ZDHHC24: variants seen among roughly 807,000 people sequenced by gnomAD.
The protein encoded by ZDHHC24 is probable palmitoyltransferase ZDHHC24.
A neutral mutation model predicts 23.2 loss-of-function variants in ZDHHC24; 17 were observed. The ratio of observed to expected loss-of-function variants is 0.73; its 90% CI spans 0.50 to 1.10. The LOEUF is 1.10. ZDHHC24 is among the 50% of genes least tolerant of loss of function. ZDHHC24 has a pLI of 0.00. For synonymous variants in ZDHHC24, 186 were observed against 194.5 expected, an observed-to-expected ratio of 0.96 and a Z score of 0.36; for missense variants, 366 against 393.0, an observed-to-expected ratio of 0.93 and a Z score of 0.58.
At chr11:66,521,603 G>A (rs1856219854) in intron 4 of ZDHHC24, 1 of 549,642 alleles carries the variant, frequency 1.8e-6, no homozygotes. Context: ...TAGTACAGGA[G>A]TGATCAGAAA....
At chr11:66,530,654 C>T (rs747033894), downstream of ZDHHC24, among the ~76,000 whole-genome samples, 29 of 152,086 alleles carry the variant, frequency 1.9e-4, no homozygotes, top group Non-Finnish European at 3.8e-4. Context: ...AGGTGAGAGT[C>T]GGGGCCTGCA....
At position 66,545,706 on chromosome 11, in the gene ZDHHC24, T is replaced by G; in HGVS notation, c.281+17A>C. On this transcript the variant is annotated intron_variant, in intron 1 of 2. Transcript: ENST00000310442. This position sits in a 1 kb window ranked among gnomAD's most constrained non-coding sequence, Gnocchi z 4.5. ...AAGGCTCCCACTTCTCCCCGCCCGA[T>G]CCCGCACCCCACTCACGCCCAGCCC... 6.6e-7 allele frequency: 1 copy of G among 1,514,774 alleles called. No individual in the cohort carries two copies. Among genetic ancestry groups the G allele is most frequent in the Non-Finnish European group, 8.8e-7 (1 of 1,137,610 alleles). 93.8% of individuals were successfully genotyped at this position (1,514,774 alleles called of 1,614,324 possible).
chr11:66,539,984 T>C (rs1452922904), intron 2 of ZDHHC24, among the ~76,000 whole-genome samples, 160 bp from the exon 3 acceptor site: 1 of 152,124 alleles, frequency 6.6e-6, no homozygotes, highest in Non-Finnish European at 1.5e-5. Context: ...AACGCACTGG[T>C]AAACTGGGCA....
At chr11:66,535,112 TG>T (rs1375135596), downstream of ZDHHC24, among the ~76,000 whole-genome samples, 1 of 152,164 alleles carries the variant, frequency 6.6e-6, no homozygotes, top group African/African-American at 2.4e-5. Flanking sequence ...AAGCTGGCCT[TG>T]AATTCCTGAC....
At chr11:66,527,193 T>C in intron 3 of ZDHHC24, 1 of 575,522 alleles carries the variant, frequency 1.7e-6, no homozygotes, top group Non-Finnish European at 3.1e-6. Flanking sequence ...GGTAACATAA[T>C]GATACTTCTT....
At position 66,536,391 on chromosome 11, in the gene ZDHHC24, T is replaced by C. The variant is rs759181722; in HGVS notation, c.*3138A>G. 2.6e-5 allele frequency: 4 copies of C among 152,478 alleles called. No individual in the cohort carries two copies. The highest frequency in any genetic ancestry group is 1.6e-3 in the Middle Eastern group (1 of 612). The allele number at this position is 152,478 out of a possible 1,614,324, so 9.4% of individuals were successfully genotyped here. ...GACCAACATGGTGAAACTCCATCTCTACAAAAGTACAAAATTTAGCAGGGC... is the reference window on the plus strand; with the variant it reads ...GACCAACATGGTGAAACTCCATCTCCACAAAAGTACAAAATTTAGCAGGGC... On this transcript the variant is annotated 3_prime_UTR_variant, in exon 3 of 3. Transcript: ENST00000310442.
rs1565296080 is a variant in ZDHHC24 at position 66,539,818 on chromosome 11, A to G, written c.566T>C (p.Val189Ala). Reference protein sequence around the residue: ...LPWLMLLTGRVSLAQFALAFV... With the variant: ...LPWLMLLTGRASLAQFALAFV... ...GGCCAAGGCAAACTGTGCCAGAGAC[A>G]CTCTGCCTGCAATAAAAGAGCAGAG... Residue 189 changes from valine to alanine, a missense_variant, in exon 3 of 3, where the codon GTG becomes GCG. By Grantham distance (64) the Val-to-Ala change is moderately conservative. Coordinates refer to ENST00000310442, the MANE Select transcript of ZDHHC24 (RefSeq NM_207340.3). 2.5e-6 allele frequency: 4 copies of G among 1,595,930 alleles called. No homozygotes were observed. The highest frequency in any genetic ancestry group is 3.4e-6 in the Non-Finnish European group (4 of 1,169,788).
At chr11:66,529,416 A>G (rs778850754) in exon 3 of ZDHHC24, 56 of 1,032,206 alleles carry the variant, frequency 5.4e-5, no homozygotes, top group African/African-American at 1.6e-5. Context: ...CTGGAGACAC[A>G]TGCACAATAT....
downstream of ZDHHC24, among the ~76,000 whole-genome samples, chr11:66,534,707 G>GT (rs1856906456): frequency 6.6e-6 from 1 of 151,738 alleles, no homozygotes; most frequent in East Asian, 1.9e-4. Flanking sequence ...TTTATTATTT[G>GT]TTTTTTGAGA....
exon 5 of ZDHHC24, chr11:66,521,160 G>T: frequency 1.2e-6 from 1 of 826,200 alleles, no homozygotes. Context: ...CTGGGTGTAA[G>T]TGAGGAGATT....
chr11:66,538,787 C>G lies in ZDHHC24; in HGVS notation c.*742G>C, dbSNP rs993274701. ...AGAGGTGCAGGCCTAGCCCTGTCAG[C>G]ACCACCCTCCACAGATGCCCAAACA... On this transcript the variant is annotated 3_prime_UTR_variant, in exon 3 of 3. Transcript: ENST00000310442. 2 of 152,268 alleles carry G rather than the reference C, an allele frequency of 1.3e-5. No homozygotes were observed. Among genetic ancestry groups the G allele is most frequent in the African/African-American group, 4.8e-5 (2 of 41,452 alleles). The allele number at this position is 152,268 out of a possible 1,614,324, so 9.4% of individuals were successfully genotyped here.
At chr11:66,533,024 A>G (rs943272913), downstream of ZDHHC24, 3 of 152,246 alleles carry the variant, frequency 2.0e-5, no homozygotes, top group Non-Finnish European at 4.4e-5. Flanking sequence ...CTTTCTTGTC[A>G]TAGCTATTTC....
chr11:66,538,230 C>T lies in ZDHHC24; in HGVS notation c.*1299G>A, dbSNP rs1267307990. 6.6e-6 allele frequency: 1 copy of T among 151,958 alleles called. No individual in the cohort carries two copies. The highest frequency in any genetic ancestry group is 6.6e-5 in the Admixed American group (1 of 15,260). The allele number at this position is 151,958 out of a possible 1,614,324, so 9.4% of individuals were successfully genotyped here. On this transcript the variant is annotated 3_prime_UTR_variant, in exon 3 of 3. Coordinates refer to ENST00000310442, the MANE Select transcript of ZDHHC24 (RefSeq NM_207340.3). ...GGCCAACATGGTGAAACCCCCGTCT[C>T]TACTAAAAATACAAAAATTAGCCAG... is the stretch of plus-strand genomic sequence containing the variant.
chr11:66,539,801 C>G lies in ZDHHC24; in HGVS notation c.583G>C (p.Ala195Pro). The G allele has an allele frequency of 6.2e-7, 1 of 1,609,224 alleles. No individual in the cohort carries two copies. ...LTGRVSLAQF[A>P]LAFVTDTCVA... ...CACGTGTCCGTCACGAAGGCCAAGG[C>G]AAACTGTGCCAGAGACACTCTGCCT... Residue 195 changes from alanine (A) to proline (P), a missense_variant, in exon 3 of 3, where the codon GCC (alanine) becomes CCC (proline). Physicochemically the swap from Ala to Pro is conservative, Grantham distance 27. Coordinates refer to ENST00000310442, the MANE Select transcript of ZDHHC24 (RefSeq NM_207340.3).
At chr11:66,529,120 C>T in intron 3 of ZDHHC24, 1 of 980,738 alleles carries the variant, frequency 1.0e-6, no homozygotes, top group Non-Finnish European at 1.2e-6. Context: ...AGCCACTTCA[C>T]ACATAAACGG....
rs760541564 is a variant in ZDHHC24, at chr11:66,543,782, G to A, written c.481C>T (p.Leu161=). The A allele has an allele frequency of 9.9e-6, 16 of 1,611,662 alleles. No homozygotes were observed. Among genetic ancestry groups the A allele is most frequent in the Non-Finnish European group, 1.4e-5 (16 of 1,178,986 alleles). The change falls in exon 2 of 3, where the codon CTG becomes TTG. Residue 161 remains leucine, a synonymous_variant. Transcript: ENST00000310442. ...LHVSVLLGPA[L]SALLRAHTPL... ...GTGTGGGCTCGCAGCAGGGCCGACA[G>A]TGCAGGGCCCAGCAGCACAGAGACG... is the stretch of plus-strand genomic sequence containing the variant.
At chr11:66,531,046 C>G, downstream of ZDHHC24, 2 of 1,614,104 alleles carry the variant, frequency 1.2e-6, no homozygotes, top group Non-Finnish European at 1.7e-6. Context: ...ATGCTCCTCA[C>G]TTAGATATGG....
At position 66,546,034 on chromosome 11, in the gene ZDHHC24, G is replaced by A; in HGVS notation, c.-31C>T. 1.5e-6 allele frequency: 2 copies of A among 1,372,150 alleles called. No individual in the cohort carries two copies. Among genetic ancestry groups the A allele is most frequent in the Non-Finnish European group, 1.9e-6 (2 of 1,070,964 alleles). 85.0% of individuals were successfully genotyped at this position (1,372,150 alleles called of 1,614,324 possible). ...GGACACCCAGCTGTCGGAGCCGGAG[G>A]ACTAGGCCGCTTCCGTATTGGGGCG... is the stretch of plus-strand genomic sequence containing the variant. On this transcript the variant is annotated 5_prime_UTR_variant, in exon 1 of 3. Coordinates refer to ENST00000310442, the MANE Select transcript of ZDHHC24 (RefSeq NM_207340.3).
At chr11:66,543,596 G>T in intron 2 of ZDHHC24, 108 bp downstream of exon 2, 1 of 1,391,032 alleles carries the variant, frequency 7.2e-7, no homozygotes, top group South Asian at 1.5e-5. Context: ...CTGACACTGG[G>T]GCTGGGTCCC....
Sources: allele counts gnomAD v4.1 joint callset (sites outside exome capture counted in the v4.1 genomes callset), GRCh38; gene constraint gnomAD v4.1.1; non-coding constraint Gnocchi (gnomAD v3.1); transcripts MANE v1.5; gene names NCBI Gene and HGNC (gene_info 2026-07-23, HGNC 2026-07-21).